CTNND2: variants seen among roughly 807,000 people sequenced by gnomAD.
CTNND2 encodes catenin delta-2.
A neutral mutation model predicts 144.4 loss-of-function variants in CTNND2; 22 were observed. The ratio of observed to expected loss-of-function variants is 0.15; its 90% CI spans 0.11 to 0.22. The LOEUF (loss-of-function observed/expected upper bound fraction) is 0.22, where lower values mean the gene tolerates loss of function less well. CTNND2 is among the 10% of genes least tolerant of loss of function. The pLI is 1.00. For synonymous variants in CTNND2, 751 were observed against 695.6 expected (o/e 1.08, Z -1.25); for missense variants, 1,353 against 1,618.8 (o/e 0.84, Z 2.82).
chr5:11,607,716 A>C (rs1780120003), intron 2 of CTNND2, among the ~76,000 whole-genome samples: 1 of 152,212 alleles, frequency 6.6e-6, no homozygotes, highest in South Asian at 2.1e-4. Context: ...ATATTACTTA[A>C]CTTAGACCTG....
chr5:11,884,950 TG>T (rs201363587), intron 1 of CTNND2, among the ~76,000 whole-genome samples: 3,393 of 152,328 alleles, frequency 0.022, 62 homozygotes, highest in Non-Finnish European at 0.036. Flanking sequence ...GTTGATGTGA[TG>T]TACCATAATT....
At position 11,784,609 on chromosome 5, in the gene CTNND2, A is replaced by C. The variant is rs371804744; in HGVS notation, c.38-52337T>G. 2.0e-5 allele frequency among the ~76,000 whole-genome samples: 3 copies of C among 152,350 alleles called. No individual in the cohort carries two copies. In the South Asian group the frequency reaches 6.2e-4, roughly 32 times the overall value. ...GTTGCTAAGAAACTGACTTCCAGTT[A>C]ATCAAAAGGAAATTTATCCTGGTTG... On this transcript the variant is annotated intron_variant, in intron 1 of 21. Coordinates refer to ENST00000304623, the MANE Select transcript of CTNND2 (RefSeq NM_001332.4).
intron 3 of CTNND2, among the ~76,000 whole-genome samples, chr5:11,517,329 A>G (rs1772256645): frequency 1.3e-5 from 2 of 152,210 alleles, no homozygotes; most frequent in Admixed American, 1.3e-4. Flanking sequence ...TCTGTCCCCA[A>G]CAAAATCACA....
At chr5:11,472,218 G>C (rs901895695) in intron 3 of CTNND2, among the ~76,000 whole-genome samples, 1 of 152,102 alleles carries the variant, frequency 6.6e-6, no homozygotes, top group Admixed American at 6.5e-5. Context: ...AATCTCAACT[G>C]TTGTAAATTC....
intron 3 of CTNND2, among the ~76,000 whole-genome samples, chr5:11,417,343 T>A (rs542334680): frequency 6.6e-6 from 1 of 152,192 alleles, no homozygotes; most frequent in Admixed American, 6.5e-5. Context: ...CTTATGTGAC[T>A]AAAAAACTCC....
intron 9 of CTNND2, among the ~76,000 whole-genome samples, chr5:11,282,771 C>T (rs539083788): frequency 4.6e-5 from 7 of 152,248 alleles, no homozygotes; most frequent in African/African-American, 1.7e-4. Context: ...AAGTGCAATG[C>T]TTTTAAATTA....
At chr5:11,280,721 C>T (rs754132356) in intron 9 of CTNND2, among the ~76,000 whole-genome samples, 1 of 152,210 alleles carries the variant, frequency 6.6e-6, no homozygotes, top group East Asian at 1.9e-4. Flanking sequence ...GCATGTTTCT[C>T]TCTTACACAC....
At chr5:11,506,225 G>T (rs1367534547) in intron 3 of CTNND2, among the ~76,000 whole-genome samples, 1 of 152,160 alleles carries the variant, frequency 6.6e-6, no homozygotes, top group East Asian at 1.9e-4. Context: ...GCAGGCTCCA[G>T]CATCAGACCA....
Position 11,007,165 on chromosome 5 carries a change from A to G in CTNND2, c.3084+10809T>C, listed in dbSNP as rs553244421. Among the ~76,000 whole-genome samples, 3 of 152,300 alleles carry G rather than the reference A, an allele frequency of 2.0e-5. No individual in the cohort carries two copies. The East Asian group carries it at 5.8e-4, about 29-fold the overall frequency. On this transcript the variant is annotated intron_variant, in intron 18 of 21. Transcript: ENST00000304623. ...CAGTAAATATGCATTGAAGGTACGA[A>G]TGAATGTAAGCTACTAGGAGTGGCC...
chr5:11,031,310 C>T (rs777220953), intron 16 of CTNND2, among the ~76,000 whole-genome samples: 12 of 151,970 alleles, frequency 7.9e-5, no homozygotes, highest in African/African-American at 2.4e-4. Flanking sequence ...ATTTAGAGGA[C>T]GGGGTCTTTT....
At chr5:11,443,202 G>A (rs1260802106) in intron 3 of CTNND2, among the ~76,000 whole-genome samples, 26 of 144,012 alleles carry the variant, frequency 1.8e-4, no homozygotes, top group Admixed American at 8.4e-4. Flanking sequence ...TGTGTGTGTG[G>A]TGTGTATGTG....
chr5:11,210,683 C>A (rs1370283706), intron 10 of CTNND2, among the ~76,000 whole-genome samples: 1 of 152,132 alleles, frequency 6.6e-6, no homozygotes, highest in Non-Finnish European at 1.5e-5. Flanking sequence ...ACACACACCC[C>A]AAAAGGTAGA....
intron 2 of CTNND2, among the ~76,000 whole-genome samples, chr5:11,653,755 G>GTT (rs1418439878): frequency 7.0e-6 from 1 of 143,578 alleles, no homozygotes. Context: ...GGCTTGTTTG[G>GTT]TTTTTTTTTT....
intron 9 of CTNND2, among the ~76,000 whole-genome samples, chr5:11,267,130 C>T (rs552722000): frequency 6.6e-6 from 1 of 152,220 alleles, no homozygotes; most frequent in Non-Finnish European, 1.5e-5. Flanking sequence ...CCACCCACCT[C>T]GGCCTCCCAA....
intron 1 of CTNND2, among the ~76,000 whole-genome samples, chr5:11,859,791 A>C (rs930647718): frequency 1.3e-5 from 2 of 152,162 alleles, no homozygotes; most frequent in African/African-American, 4.8e-5. Context: ...TTCATTCATT[A>C]ATGGGGTGAA....
intron 16 of CTNND2, among the ~76,000 whole-genome samples, chr5:11,079,531 A>G (rs1414476209): frequency 6.6e-6 from 1 of 152,144 alleles, no homozygotes; most frequent in Non-Finnish European, 1.5e-5. Context: ...CCACCTACAG[A>G]GGGAGGCATC....
chr5:11,422,588 C>T (rs1011478669), intron 3 of CTNND2, among the ~76,000 whole-genome samples: 1 of 152,170 alleles, frequency 6.6e-6, no homozygotes, highest in Admixed American at 6.5e-5. Flanking sequence ...CAGAGTACCA[C>T]AACACTGTCA....
chr5:11,198,801 G>C (rs1000056528), intron 11 of CTNND2, among the ~76,000 whole-genome samples: 16 of 152,314 alleles, frequency 1.1e-4, no homozygotes, highest in African/African-American at 3.8e-4. Flanking sequence ...AGGGATGACA[G>C]CTTATGGCTA....
intron 2 of CTNND2, among the ~76,000 whole-genome samples, chr5:11,602,113 C>T (rs1280485395): frequency 6.6e-6 from 1 of 151,944 alleles, no homozygotes; most frequent in Non-Finnish European, 1.5e-5. Flanking sequence ...AATTTCTCCC[C>T]TTAAGAAAGT....
Sources: allele counts gnomAD v4.1 joint callset (sites outside exome capture counted in the v4.1 genomes callset), GRCh38; gene constraint gnomAD v4.1.1; transcripts MANE v1.5; gene names NCBI Gene and HGNC (gene_info 2026-07-23, HGNC 2026-07-21).